Variants in CTNNA3 observed in about 807,000 individuals in gnomAD.
CTNNA3 encodes the protein catenin alpha-3.
Under a neutral mutation model 95.7 loss-of-function variants are expected in CTNNA3, and 76 were observed. The ratio of observed to expected loss-of-function variants is 0.79; its 90% confidence interval spans 0.66 to 0.96. CTNNA3 has a LOEUF of 0.96. Among genes scored for constraint, CTNNA3 ranks in the 40% least tolerant of loss-of-function variants. CTNNA3 has a pLI of 0.00. For missense variants in CTNNA3, 1,191 were observed against 1,089.8 expected (o/e 1.09, Z -1.31); for synonymous variants, 431 against 374.4 (o/e 1.15, Z -1.74).
intron 15 of CTNNA3, among the ~76,000 whole-genome samples, chr10:66,037,789 G>A (rs570088242): frequency 5.3e-5 from 8 of 152,244 alleles, no homozygotes; most frequent in Admixed American, 1.3e-4. Context: ...AACCTCTCCC[G>A]TGTTGTTACT....
intron 5 of CTNNA3, among the ~76,000 whole-genome samples, chr10:67,369,458 G>A (rs1394120176): frequency 2.0e-5 from 3 of 152,018 alleles, no homozygotes; most frequent in Non-Finnish European, 4.4e-5. Context: ...TTGGGCCTGC[G>A]AGCTAACTAT....
intron 5 of CTNNA3, among the ~76,000 whole-genome samples, chr10:67,394,325 G>T (rs987406388): frequency 1.3e-5 from 2 of 151,332 alleles, no homozygotes; most frequent in East Asian, 3.9e-4. Flanking sequence ...AAGCCCGTTA[G>T]TTAAATCAGT....
intron 13 of CTNNA3, among the ~76,000 whole-genome samples, chr10:66,203,434 C>T (rs1355665500): frequency 2.0e-5 from 3 of 151,888 alleles, no homozygotes; most frequent in African/African-American, 7.3e-5. Context: ...AAGGATTTTT[C>T]TGAGTTTTCA....
chr10:66,335,395 C>A (rs2092382761), intron 12 of CTNNA3, among the ~76,000 whole-genome samples: 1 of 152,032 alleles, frequency 6.6e-6, no homozygotes, highest in African/African-American at 2.4e-5. Context: ...TGGTGACGTA[C>A]AGATGGTGTT....
At chr10:66,558,985 G>T (rs1036779953) in intron 10 of CTNNA3, among the ~76,000 whole-genome samples, 5 of 152,046 alleles carry the variant, frequency 3.3e-5, no homozygotes, top group African/African-American at 1.2e-4. Flanking sequence ...CTTCACATCT[G>T]TTCCATAAAT....
At chr10:66,206,407 C>T (rs1408989962) in intron 13 of CTNNA3, among the ~76,000 whole-genome samples, 1 of 151,814 alleles carries the variant, frequency 6.6e-6, no homozygotes, top group Non-Finnish European at 1.5e-5. Flanking sequence ...CGGGAATGGC[C>T]TAATTTCGTG....
chr10:66,791,949 G>A (rs1840987833), intron 7 of CTNNA3, among the ~76,000 whole-genome samples: 1 of 149,698 alleles, frequency 6.7e-6, no homozygotes, highest in Admixed American at 6.6e-5. Context: ...ATATTTCACT[G>A]AAAAGATATA....
intron 13 of CTNNA3, among the ~76,000 whole-genome samples, chr10:66,213,269 G>T (rs1227019360): frequency 1.3e-5 from 2 of 151,526 alleles, no homozygotes; most frequent in East Asian, 3.9e-4. Flanking sequence ...CCTCATATTT[G>T]AAGATGAGTG....
rs978712765 is a variant in CTNNA3 at position 67,664,620 on chromosome 10, T to C, written c.-5-17102A>G. On this transcript the variant is annotated intron_variant, in intron 1 of 17. Transcript: ENST00000433211. Reference sequence around the variant, plus strand: ...GGCTCTGTTTTATATCCCACACTTGTTTTCTTTCTTCTTTCACTCCACATT... The same window carrying C: ...GGCTCTGTTTTATATCCCACACTTGCTTTCTTTCTTCTTTCACTCCACATT... Among the ~76,000 whole-genome samples the C allele has an allele frequency of 2.0e-5, 3 of 152,204 alleles. No homozygotes were observed. In the East Asian group the frequency reaches 5.8e-4, roughly 29 times the overall value.
chr10:65,939,069 A>T (rs1299536174), intron 17 of CTNNA3, among the ~76,000 whole-genome samples: 1 of 151,450 alleles, frequency 6.6e-6, no homozygotes. Flanking sequence ...TGCCTGGCTA[A>T]TTTTTTTTGT....
chr10:66,520,996 A>T (rs1353078427), intron 10 of CTNNA3, among the ~76,000 whole-genome samples: 1 of 151,442 alleles, frequency 6.6e-6, no homozygotes, highest in Admixed American at 6.6e-5. Context: ...ATGGAATTTA[A>T]AAAAATCTGT....
chr10:67,508,628 C>T (rs1235232566), intron 5 of CTNNA3, among the ~76,000 whole-genome samples: 1 of 151,796 alleles, frequency 6.6e-6, no homozygotes, highest in Non-Finnish European at 1.5e-5. Flanking sequence ...GCCATAAGTA[C>T]CAGCAACAAA....
At chr10:66,175,305 A>G (rs2085651797) in intron 13 of CTNNA3, among the ~76,000 whole-genome samples, 1 of 152,206 alleles carries the variant, frequency 6.6e-6, no homozygotes, top group Non-Finnish European at 1.5e-5. Flanking sequence ...CTGAGGGAAT[A>G]GAATAAGCAG....
At chr10:67,728,616 G>A (rs920586920) in intron 1 of CTNNA3, among the ~76,000 whole-genome samples, 2 of 151,302 alleles carry the variant, frequency 1.3e-5, no homozygotes, top group Non-Finnish European at 2.9e-5. Flanking sequence ...GAGAACCACT[G>A]GTCTAAATAA....
intron 11 of CTNNA3, among the ~76,000 whole-genome samples, chr10:66,517,142 A>C (rs1211917206): frequency 6.6e-6 from 1 of 151,982 alleles, no homozygotes; most frequent in East Asian, 1.9e-4. Flanking sequence ...GAATTGCTTG[A>C]ATCCGGGAGG....
At position 67,332,019 on chromosome 10, in the gene CTNNA3, G is replaced by C. The variant is rs142099473; in HGVS notation, c.580-112149C>G. Among the ~76,000 whole-genome samples, 322 of 152,246 alleles carry C rather than the reference G, an allele frequency of 2.1e-3. 2 individuals are homozygous for C. The highest frequency in any genetic ancestry group is 7.7e-3 in the African/African-American group (318 of 41,548). ...ATTACTATGTCATGACTGAATGAAT[G>C]AAGTGCTAAGATAAAGAGTTTAGAA... On this transcript the variant is annotated intron_variant, in intron 5 of 17. Coordinates refer to ENST00000433211, the MANE Select transcript of CTNNA3 (RefSeq NM_013266.4).
chr10:67,707,491 T>C (rs1564837437), intron 1 of CTNNA3, among the ~76,000 whole-genome samples: 1 of 152,180 alleles, frequency 6.6e-6, no homozygotes, highest in Non-Finnish European at 1.5e-5. Flanking sequence ...CTGGCTCATT[T>C]TCATCTTTGA....
chr10:66,394,070 A>C (rs1027784826), intron 11 of CTNNA3, among the ~76,000 whole-genome samples: 1 of 152,096 alleles, frequency 6.6e-6, no homozygotes, highest in African/African-American at 2.4e-5. Context: ...ATGCTATAGT[A>C]ATCTATAGCT....
At chr10:66,825,860 G>C (rs1000912846) in intron 7 of CTNNA3, among the ~76,000 whole-genome samples, 1 of 152,126 alleles carries the variant, frequency 6.6e-6, no homozygotes, top group Non-Finnish European at 1.5e-5. Context: ...GCCTGTTCCA[G>C]ATTGAATTCA....
Sources: gnomAD v4.1 joint callset for allele counts (sites outside exome capture counted in the v4.1 genomes callset) on GRCh38, gnomAD v4.1.1 for gene constraint, MANE v1.5 for transcripts, NCBI Gene and HGNC (gene_info 2026-07-23, HGNC 2026-07-21) for gene names.